TBX2: variants seen among roughly 807,000 people sequenced by gnomAD.
TBX2 encodes the protein T-box transcription factor 2, also known as T-box transcription factor TBX2.
In TBX2, 19 loss-of-function variants were observed where a neutral mutation model predicts 48.4. That is an observed-to-expected ratio of 0.39 (90% CI 0.27 to 0.58). The LOEUF (loss-of-function observed/expected upper bound fraction) is 0.58. Ranked by LOEUF, TBX2 falls within the 20% of genes least tolerant of loss-of-function variation. The pLI is 0.54. For missense variants in TBX2, 994 were observed against 1,006.5 expected (o/e 0.99, Z 0.17); for synonymous variants, 522 against 459.7 (o/e 1.14, Z -1.73).
Position 61,403,093 on chromosome 17 carries a change from G to T in TBX2, c.696G>T (p.Pro232=), listed in dbSNP as rs2060271631. ...TAAACTCCATGCACAAGTACCAGCC[G>T]CGCTTCCACATAGTGCGAGCCAACG... is the stretch of plus-strand genomic sequence containing the variant. ...TILNSMHKYQ[P]RFHIVRANDI... The change falls in exon 3 of 7, where the codon CCG becomes CCT. Residue 232 remains proline (P), a synonymous_variant. Transcript: ENST00000240328. The surrounding 1 kb of genome is among the most constrained non-coding windows in gnomAD (Gnocchi z 5.8). The T allele has an allele frequency of 6.2e-7, 1 of 1,613,372 alleles. No homozygotes were observed. Among genetic ancestry groups the T allele is most frequent in the Non-Finnish European group, 8.5e-7 (1 of 1,179,958 alleles).
In TBX2 at chr17:61,405,484, A is replaced by G. The variant is rs772174118; in HGVS notation, c.1334A>G (p.Gln445Arg). Reference sequence around the variant, plus strand: ...AAGGAGGCGGCCGAGGGCAAGGAGCAGGGCCTGGCGCCGCTGGTGGTGCAG... The same window carrying G: ...AAGGAGGCGGCCGAGGGCAAGGAGCGGGGCCTGGCGCCGCTGGTGGTGCAG... ...GRKEAAEGKEQGLAPLVVQTD... is the reference protein window; with the variant it reads ...GRKEAAEGKERGLAPLVVQTD... Residue 445 changes from glutamine to arginine, a missense_variant, in exon 6 of 7, where the codon CAG becomes CGG. Around this residue, in one of 5 missense-constraint regions of TBX2, gnomAD observed 639 missense variants for 613.2 expected, o/e 1.04. Coordinates refer to ENST00000240328, the MANE Select transcript of TBX2 (RefSeq NM_005994.4). The G allele has an allele frequency of 6.3e-7, 1 of 1,580,648 alleles. No homozygotes were observed. The highest frequency in any genetic ancestry group is 8.6e-7 in the Non-Finnish European group (1 of 1,166,278).
In TBX2 at chr17:61,403,941, T is replaced by C. The variant is rs1035039183; in HGVS notation, c.811-480T>C. ...CCCCGTTTGGGGTGTGTTGGATACCTGTGGAGGCATGTGAATTCGTTTGGT... is the reference window on the plus strand; with the variant it reads ...CCCCGTTTGGGGTGTGTTGGATACCCGTGGAGGCATGTGAATTCGTTTGGT... On this transcript the variant is annotated intron_variant, in intron 3 of 6. Transcript: ENST00000240328. This position sits in a 1 kb window ranked among gnomAD's most constrained non-coding sequence, Gnocchi z 5.8. Among the ~76,000 whole-genome samples the C allele has an allele frequency of 2.1e-4, 32 of 152,240 alleles. No homozygotes were observed. The highest frequency in any genetic ancestry group is 7.7e-4 in the African/African-American group (32 of 41,544).
chr17:61,403,288 C>G lies in TBX2; in HGVS notation c.810+81C>G, dbSNP rs2060272821. On this transcript the variant is annotated intron_variant, in intron 3 of 6. Transcript: ENST00000240328. The surrounding 1 kb of genome is among the most constrained non-coding windows in gnomAD (Gnocchi z 5.8). ...AGGCCCAACCGTCCGTTCATCGCCCCTCGAAGCCCCCTGCACGGGATCCGC... is the reference window on the plus strand; with the variant it reads ...AGGCCCAACCGTCCGTTCATCGCCCGTCGAAGCCCCCTGCACGGGATCCGC... The G allele has an allele frequency of 1.3e-6, 2 of 1,566,108 alleles. No homozygotes were observed. The highest frequency in any genetic ancestry group is 3.8e-5 in the Admixed American group (2 of 52,060).
intron 2 of TBX2, 102 bp downstream of exon 2, chr17:61,402,053 G>GA (rs1480938440): frequency 6.8e-7 from 1 of 1,480,258 alleles, no homozygotes; most frequent in Non-Finnish European, 9.0e-7. Context: ...GGGAAGCGCT[G>GA]GGCAAACCCC....
At chr17:61,404,991 A>T in intron 5 of TBX2, 1 of 1,277,286 alleles carries the variant, frequency 7.8e-7, no homozygotes, top group Non-Finnish European at 1.1e-6. Flanking sequence ...GGCGCCGTGT[A>T]ATTCTATAGC....
In TBX2 at chr17:61,402,000, C is replaced by T; in HGVS notation, c.663+49C>T. Reference sequence around the variant, plus strand: ...ACGGTGCAGGAGCTTGTTGACCCAGCACTGCAGCTGAGCAGGAGAGCAGGG... The same window carrying T: ...ACGGTGCAGGAGCTTGTTGACCCAGTACTGCAGCTGAGCAGGAGAGCAGGG... On this transcript the variant is annotated intron_variant, in intron 2 of 6. Transcript: ENST00000240328. 4.5e-6 allele frequency: 7 copies of T among 1,540,144 alleles called. No homozygotes were observed. The East Asian group carries it at 1.4e-4, about 30-fold the overall frequency.
Position 61,405,688 on chromosome 17 carries a change from C to T in TBX2, c.1538C>T (p.Ala513Val). ...GCCATGGGCATGGGTCACCTACTGG[C>T]CTCGGTGGCAGGCGGCGGCAACGGC... ...FSAMGMGHLL[A>V]SVAGGGNGGG... Residue 513 changes from alanine to valine, a missense_variant, in exon 6 of 7, where the codon GCC (alanine) becomes GTC (valine). Physicochemically the swap from Ala to Val is moderately conservative, Grantham distance 64 (BLOSUM62 0). This residue lies in a region of TBX2 where 639 missense variants were observed against 613.2 expected (regional missense o/e 1.04). Coordinates refer to ENST00000240328, the MANE Select transcript of TBX2 (RefSeq NM_005994.4). 1 of 1,392,296 alleles carries T rather than the reference C, an allele frequency of 7.2e-7. No homozygotes were observed. The highest frequency in any genetic ancestry group is 9.3e-7 in the Non-Finnish European group (1 of 1,078,284). The allele number at this position is 1,392,296 out of a possible 1,614,324, so 86.2% of individuals were successfully genotyped here.
At chr17:61,401,138 T>C (rs896715556) in intron 1 of TBX2, among the ~76,000 whole-genome samples, 2 of 152,042 alleles carry the variant, frequency 1.3e-5, no homozygotes, top group Non-Finnish European at 2.9e-5. Context: ...CCTTAAAGCC[T>C]GAAGAAAGCC....
In TBX2 at chr17:61,408,490, G is replaced by C; in HGVS notation, c.2123G>C (p.Arg708Pro). The C allele has an allele frequency of 2.8e-6, 4 of 1,445,756 alleles. No individual in the cohort carries two copies. Among genetic ancestry groups the C allele is most frequent in the Non-Finnish European group, 3.6e-6 (4 of 1,098,620 alleles). 89.6% of individuals were successfully genotyped at this position (1,445,756 alleles called of 1,614,324 possible). The change falls in exon 7 of 7, where the codon CGG becomes CCG. Residue 708 changes from arginine to proline, a missense_variant. Transcript: ENST00000240328. ...AGCCAGCGAGCCCTCTCCCCAGGCC[G>C]GGAGTCGCCCAAGTGAGGGGCTGCC... ...LESQRALSPG[R>P]ESPK
chr17:61,403,050 C>G lies in TBX2; in HGVS notation c.664-11C>G. ...CTGGTGGCTGCCGGCTGACCCCCAC[C>G]CTCCCCGCAGACCATCCTAAACTCC... On this transcript the variant is annotated splice_polypyrimidine_tract_variant and intron_variant, in intron 2 of 6. Transcript: ENST00000240328. This position sits in a 1 kb window ranked among gnomAD's most constrained non-coding sequence, Gnocchi z 5.8. 1 of 1,603,494 alleles carries G rather than the reference C, an allele frequency of 6.2e-7. No homozygotes were observed. Among genetic ancestry groups the G allele is most frequent in the Non-Finnish European group, 8.5e-7 (1 of 1,175,492 alleles).
chr17:61,407,344 G>C (rs992404294), intron 6 of TBX2: 5 of 152,250 alleles, frequency 3.3e-5, no homozygotes, highest in African/African-American at 9.7e-5. Flanking sequence ...TAGCTCTGGG[G>C]AGTAAGCCAT....
In TBX2 at chr17:61,403,901, G is replaced by T. The variant is rs1163342983; in HGVS notation, c.811-520G>T. 6.6e-6 allele frequency among the ~76,000 whole-genome samples: 1 copy of T among 152,208 alleles called. No homozygotes were observed. Among genetic ancestry groups the T allele is most frequent in the East Asian group, 1.9e-4 (1 of 5,190 alleles). The stretch of plus-strand genomic sequence containing the variant: ...TGTGGCTTTGTGAACCAAGGTGTAC[G>T]CTGGGCTGTGCGTGCCCCGTTTGGG... On this transcript the variant is annotated intron_variant, in intron 3 of 6. Coordinates refer to ENST00000240328, the MANE Select transcript of TBX2 (RefSeq NM_005994.4). The surrounding 1 kb of genome is among the most constrained non-coding windows in gnomAD (Gnocchi z 5.8).
chr17:61,405,769 C>A lies in TBX2; in HGVS notation c.1619C>A (p.Ala540Glu). 1 of 1,333,254 alleles carries A rather than the reference C, an allele frequency of 7.5e-7. No individual in the cohort carries two copies. The highest frequency in any genetic ancestry group is 9.5e-7 in the Non-Finnish European group (1 of 1,047,886). 82.6% of individuals were successfully genotyped at this position (1,333,254 alleles called of 1,614,324 possible). A position where few individuals can be genotyped will look rare whatever the true frequency, so the allele number is the denominator to read the frequency against. ...AGLDAGGLGP[A>E]ASAASTAAPF... ...CTGGACGCAGGCGGGCTGGGTCCCGCGGCCAGCGCAGCAAGCACCGCCGCG... is the reference window on the plus strand; with the variant it reads ...CTGGACGCAGGCGGGCTGGGTCCCGAGGCCAGCGCAGCAAGCACCGCCGCG... The change falls in exon 6 of 7, where the codon GCG (alanine) becomes GAG (glutamate). Residue 540 changes from alanine (A) to glutamate (E), a missense_variant. Ala to Glu is a moderately radical substitution (Grantham distance 107). Around this residue, in one of 5 missense-constraint regions of TBX2, gnomAD observed 639 missense variants for 613.2 expected, o/e 1.04. Transcript: ENST00000240328.
At position 61,408,544 on chromosome 17, in the gene TBX2, C is replaced by CG. The variant is rs966458923; in HGVS notation, c.*41dup. On this transcript the variant is annotated 3_prime_UTR_variant, in exon 7 of 7. Transcript: ENST00000240328. ...CTGCTCCCCTGCCACGCAGGCCACCCGGGCTGCCTGCCCCTGCTGCTTGGG... is the reference window on the plus strand; with the variant it reads ...CTGCTCCCCTGCCACGCAGGCCACCCGGGGCTGCCTGCCCCTGCTGCTTGGG... The CG allele has an allele frequency of 7.0e-7, 1 of 1,420,712 alleles. No homozygotes were observed. The highest frequency in any genetic ancestry group is 1.4e-5 in the African/African-American group (1 of 68,972). The allele number at this position is 1,420,712 out of a possible 1,614,324, so 88.0% of individuals were successfully genotyped here.
At position 61,405,430 on chromosome 17, in the gene TBX2, C is replaced by G. The variant is rs1338406966; in HGVS notation, c.1280C>G (p.Ala427Gly). Residue 427 changes from alanine to glycine, a missense_variant, in exon 6 of 7, where the codon GCC (alanine) becomes GGC (glycine). By Grantham distance (60) the Ala-to-Gly change is moderately conservative. Transcript: ENST00000240328. ...CTGAGGAGCCTGGAGAAGGAGCGCG[C>G]CGAAGCTCGGAGGAAGGACGAGGGG... is the stretch of plus-strand genomic sequence containing the variant. ...FGLRSLEKER[A>G]EARRKDEGRK... The G allele has an allele frequency of 6.4e-7, 1 of 1,556,858 alleles. No homozygotes were observed.
rs976213629 is a variant in TBX2, at chr17:61,404,303, C to T, written c.811-118C>T. The T allele has an allele frequency of 5.4e-6, 7 of 1,303,150 alleles. No individual in the cohort carries two copies. In the African/African-American group the frequency reaches 7.4e-5, roughly 14 times the overall value. The allele number at this position is 1,303,150 out of a possible 1,614,324, so 80.7% of individuals were successfully genotyped here. ...GCGTCCCATCCCAGGCGGGTGGGTA[C>T]CAAGTGGACGCTCCCCGGGTCTTCC... On this transcript the variant is annotated intron_variant, in intron 3 of 6. Coordinates refer to ENST00000240328, the MANE Select transcript of TBX2 (RefSeq NM_005994.4).
chr17:61,403,330 C>G lies in TBX2; in HGVS notation c.810+123C>G, dbSNP rs1019029814. The G allele has an allele frequency of 3.9e-5, 56 of 1,448,452 alleles. No individual in the cohort carries two copies. The highest frequency in any genetic ancestry group is 4.9e-5 in the Non-Finnish European group (53 of 1,087,516). The allele number at this position is 1,448,452 out of a possible 1,614,324, so 89.7% of individuals were successfully genotyped here. Reference sequence around the variant, plus strand: ...GGGATCCGCGCTCTTGCGGCCCGCCCCCGAGCACCGAGCCTCGCATCCATA... The same window carrying G: ...GGGATCCGCGCTCTTGCGGCCCGCCGCCGAGCACCGAGCCTCGCATCCATA... On this transcript the variant is annotated intron_variant, in intron 3 of 6. Coordinates refer to ENST00000240328, the MANE Select transcript of TBX2 (RefSeq NM_005994.4). The surrounding 1 kb of genome is among the most constrained non-coding windows in gnomAD (Gnocchi z 5.8).
At chr17:61,407,943 T>C (rs1303667905) in intron 6 of TBX2, 111 bp from the exon 7 acceptor site, 6 of 1,375,090 alleles carry the variant, frequency 4.4e-6, no homozygotes, top group South Asian at 1.4e-5. Context: ...CGAATTGTGG[T>C]TTTACATCCC....
rs528735533 is a variant in TBX2 at position 61,402,042 on chromosome 17, G to C, written c.663+91G>C. 14 of 1,496,904 alleles carry C rather than the reference G, an allele frequency of 9.4e-6. No homozygotes were observed. The Admixed American group carries it at 3.1e-4, about 33-fold the overall frequency. 92.7% of individuals were successfully genotyped at this position (1,496,904 alleles called of 1,614,324 possible). ...AGAGCAGGGCGGCAGGATCTCCCAG[G>C]GGGAAGCGCTGGGCAAACCCCCAGA... On this transcript the variant is annotated intron_variant, in intron 2 of 6. Coordinates refer to ENST00000240328, the MANE Select transcript of TBX2 (RefSeq NM_005994.4).
Sources: gnomAD v4.1 joint callset for allele counts (sites outside exome capture counted in the v4.1 genomes callset) on GRCh38, gnomAD v4.1.1 for gene constraint, gnomAD v4.1.1 regional missense constraint, Gnocchi (gnomAD v3.1) non-coding constraint, MANE v1.5 for transcripts, NCBI Gene and HGNC (gene_info 2026-07-23, HGNC 2026-07-21) for gene names.